The following KCNH6 variants were observed in gnomAD, a reference collection of about 807,000 sequenced individuals.
KCNH6 encodes the protein potassium voltage-gated channel subfamily H member 6, also known as voltage-gated inwardly rectifying potassium channel KCNH6.
In KCNH6, 81 loss-of-function variants were observed where a neutral mutation model predicts 83.4. The ratio of observed to expected loss-of-function variants is 0.97; its 90% CI spans 0.81 to 1.17. The LOEUF (loss-of-function observed/expected upper bound fraction) is 1.17, where lower values mean the gene tolerates loss of function less well. Among genes scored for constraint, KCNH6 ranks in the 50% most tolerant of loss-of-function variants. The pLI is 0.00. For missense variants in KCNH6, 1,203 were observed against 1,290.5 expected (o/e 0.93, Z 1.04); for synonymous variants, 503 against 545.6 (o/e 0.92, Z 1.09).
At position 63,535,828 on chromosome 17, in the gene KCNH6, G is replaced by C; in HGVS notation, c.1261G>C (p.Ala421Pro). 1 of 1,614,200 alleles carries C rather than the reference G, an allele frequency of 6.2e-7. No individual in the cohort carries two copies. The highest frequency in any genetic ancestry group is 8.5e-7 in the Non-Finnish European group (1 of 1,180,048). The change falls in exon 6 of 13, where the codon GCC becomes CCC. Residue 421 changes from alanine (A) to proline (P), a missense_variant. Ala to Pro is a conservative substitution (Grantham distance 27). Transcript: ENST00000314672. This position sits in a 1 kb window ranked among gnomAD's most constrained non-coding sequence, Gnocchi z 4.9. ...GCACTGGCTGGCCTGCATCTGGTAC[G>C]CCATCGGCAATGTGGAGCGGCCCTA... Reference protein sequence around the residue: ...IAHWLACIWYAIGNVERPYLE... With the variant: ...IAHWLACIWYPIGNVERPYLE...
chr17:63,531,344 G>C (rs11655956), intron 4 of KCNH6, among the ~76,000 whole-genome samples: 11,228 of 152,344 alleles, frequency 0.074, 564 homozygotes, highest in Admixed American at 0.11. Flanking sequence ...CTGCAGGAGA[G>C]AGATGGACTA....
Position 63,523,722 on chromosome 17 carries a change from A to G in KCNH6, c.76+233A>G, listed in dbSNP as rs979194049. Among the ~76,000 whole-genome samples the G allele has an allele frequency of 5.9e-5, 9 of 151,750 alleles. No individual in the cohort carries two copies. The highest frequency in any genetic ancestry group is 5.9e-4 in the Admixed American group (9 of 15,250). Reference sequence around the variant, plus strand: ...AGCAGCGTGCAGGCCTTCCCTCCCTACTGCCAGCTGTTTCCTTGGTGCCCC... The same window carrying G: ...AGCAGCGTGCAGGCCTTCCCTCCCTGCTGCCAGCTGTTTCCTTGGTGCCCC... On this transcript the variant is annotated intron_variant, in intron 1 of 12. Transcript: ENST00000314672. This position sits in a 1 kb window ranked among gnomAD's most constrained non-coding sequence, Gnocchi z 4.2.
Position 63,535,058 on chromosome 17 carries a change from A to G in KCNH6, c.1102-611A>G, listed in dbSNP as rs937267070. On this transcript the variant is annotated intron_variant, in intron 5 of 12. Coordinates refer to ENST00000314672, the MANE Select transcript of KCNH6 (RefSeq NM_001278919.2). This position sits in a 1 kb window ranked among gnomAD's most constrained non-coding sequence, Gnocchi z 4.9. ...TGCCACAGCGACTTTCAGATCGCCT[A>G]CCTGACCCTGTGTTCCACCCTCTGG... Among the ~76,000 whole-genome samples the G allele has an allele frequency of 3.3e-5, 5 of 152,088 alleles. No homozygotes were observed. The highest frequency in any genetic ancestry group is 7.4e-5 in the Non-Finnish European group (5 of 68,020).
chr17:63,531,679 G>A (rs978799184), intron 4 of KCNH6, among the ~76,000 whole-genome samples: 3 of 152,232 alleles, frequency 2.0e-5, no homozygotes, highest in African/African-American at 7.2e-5. Flanking sequence ...TGGCCCAAAG[G>A]CCTGACCCTG....
intron 4 of KCNH6, among the ~76,000 whole-genome samples, chr17:63,532,984 G>T (rs1379072389): frequency 1.3e-5 from 2 of 152,138 alleles, no homozygotes; most frequent in African/African-American, 2.4e-5. Context: ...ATTCCATTTT[G>T]CAGATGAGGG....
Position 63,523,567 on chromosome 17 carries a change from A to G in KCNH6, c.76+78A>G. 10 of 1,375,578 alleles carry G rather than the reference A, an allele frequency of 7.3e-6. No individual in the cohort carries two copies. In the South Asian group the frequency reaches 9.9e-5, roughly 14 times the overall value. The allele number at this position is 1,375,578 out of a possible 1,614,324, so 85.2% of individuals were successfully genotyped here. A position where few individuals can be genotyped will look rare whatever the true frequency, so the allele number is the denominator to read the frequency against. On this transcript the variant is annotated intron_variant, in intron 1 of 12. Transcript: ENST00000314672. This position sits in a 1 kb window ranked among gnomAD's most constrained non-coding sequence, Gnocchi z 4.2. Reference sequence around the variant, plus strand: ...AAAGGGGGGGCTGGACCCCTTTACTAACTTCTAACCGGGCAAGGTGGTGAG... The same window carrying G: ...AAAGGGGGGGCTGGACCCCTTTACTGACTTCTAACCGGGCAAGGTGGTGAG...
At chr17:63,530,301 GGC>G (rs765554283) in intron 3 of KCNH6, 34 bp from the exon 4 acceptor site, 1 of 1,613,930 alleles carries the variant, frequency 6.2e-7, no homozygotes, top group Non-Finnish European at 8.5e-7. Context: ...AGGGTCCCCT[GGC>G]CGTGGCTGCT....
intron 8 of KCNH6, among the ~76,000 whole-genome samples, chr17:63,539,711 CCTGT>C (rs1310686173): frequency 3.3e-5 from 5 of 152,204 alleles, no homozygotes; most frequent in Non-Finnish European, 7.3e-5. Context: ...CCATCTCACA[CCTGT>C]CTCCCTGTCC....
Position 63,538,376 on chromosome 17 carries a change from C to T in KCNH6, c.1702-34C>T. The T allele has an allele frequency of 6.3e-7, 1 of 1,587,870 alleles. No individual in the cohort carries two copies. Among genetic ancestry groups the T allele is most frequent in the South Asian group, 1.1e-5 (1 of 88,568 alleles). On this transcript the variant is annotated intron_variant, in intron 7 of 12. Coordinates refer to ENST00000314672, the MANE Select transcript of KCNH6 (RefSeq NM_001278919.2). This position sits in a 1 kb window ranked among gnomAD's most constrained non-coding sequence, Gnocchi z 4.0. ...CCCTCTCCCCCAGCCCCACCCCGGCCGCGTCCCGCTGGACTTGGCCGCCCG... is the reference window on the plus strand; with the variant it reads ...CCCTCTCCCCCAGCCCCACCCCGGCTGCGTCCCGCTGGACTTGGCCGCCCG...
chr17:63,530,286 G>T lies in KCNH6; in HGVS notation c.469+34G>T. The T allele has an allele frequency of 2.5e-6, 4 of 1,613,598 alleles. No homozygotes were observed. In the African/African-American group the frequency reaches 5.3e-5, roughly 22 times the overall value. ...GAGTGAGGGTGGTGGTGGGAGGGAC[G>T]CATGAGGGTCCCCTGGCCGTGGCTG... On this transcript the variant is annotated intron_variant, in intron 3 of 12. Transcript: ENST00000314672.
rs77366677 is a variant in KCNH6 at position 63,545,209 on chromosome 17, C to G, written c.2528C>G (p.Ser843Trp). 5 of 1,613,738 alleles carry G rather than the reference C, an allele frequency of 3.1e-6. No individual in the cohort carries two copies. The East Asian group carries it at 6.7e-5, about 22-fold the overall frequency. The part of the protein sequence containing the change: ...SNDLALVPIA[S>W]ETTSPGPRLP... ...GACCTGGCCTTGGTTCCTATAGCCT[C>G]GGAGACGACGAGTCCAGGGCCCAGG... The change falls in exon 12 of 13, where the codon TCG becomes TGG. Residue 843 changes from serine to tryptophan, a missense_variant. Transcript: ENST00000314672.
Position 63,523,512 on chromosome 17 carries a change from G to C in KCNH6, c.76+23G>C, listed in dbSNP as rs764269639. 1.3e-6 allele frequency: 2 copies of C among 1,587,018 alleles called. No individual in the cohort carries two copies. The highest frequency in any genetic ancestry group is 3.4e-5 in the Admixed American group (2 of 58,118). Reference sequence around the variant, plus strand: ...AAAGTGAGTGTGTGTATGTTGGGGCGGGGGGACGATCTGGAGTCCTGGTTC... The same window carrying C: ...AAAGTGAGTGTGTGTATGTTGGGGCCGGGGGACGATCTGGAGTCCTGGTTC... On this transcript the variant is annotated intron_variant, in intron 1 of 12. Coordinates refer to ENST00000314672, the MANE Select transcript of KCNH6 (RefSeq NM_001278919.2). This position sits in a 1 kb window ranked among gnomAD's most constrained non-coding sequence, Gnocchi z 4.2.
In KCNH6 at chr17:63,546,008, T is replaced by C; in HGVS notation, c.*106T>C. The C allele has an allele frequency of 9.4e-7, 1 of 1,063,104 alleles. No individual in the cohort carries two copies. 65.9% of individuals were successfully genotyped at this position (1,063,104 alleles called of 1,614,324 possible). A position where few individuals can be genotyped will look rare whatever the true frequency, so the allele number is the denominator to read the frequency against. ...GTGGCTCGCCTGTAATCCCAGCACT[T>C]TGGGAGGCCGAGGCGGGCGGATCAG... On this transcript the variant is annotated 3_prime_UTR_variant, in exon 13 of 13. Transcript: ENST00000314672.
chr17:63,532,838 G>A (rs1465669526), intron 4 of KCNH6, among the ~76,000 whole-genome samples: 5 of 152,178 alleles, frequency 3.3e-5, no homozygotes, highest in Non-Finnish European at 5.9e-5. Context: ...GAGGCTGAGG[G>A]AGGAGGAGGG....
At chr17:63,544,003 C>A (rs1381744434) in intron 10 of KCNH6, 5 of 1,475,168 alleles carry the variant, frequency 3.4e-6, no homozygotes, top group Non-Finnish European at 4.6e-6. Flanking sequence ...AAAGTCCTCA[C>A]CCTGCCAGGG....
intron 8 of KCNH6, among the ~76,000 whole-genome samples, chr17:63,541,693 A>G (rs945964461): frequency 6.6e-6 from 1 of 152,114 alleles, no homozygotes; most frequent in Non-Finnish European, 1.5e-5. Context: ...TCCATTTTAG[A>G]GATGAAGACT....
chr17:63,543,131 C>T (rs916388928), intron 9 of KCNH6, among the ~76,000 whole-genome samples: 12 of 152,176 alleles, frequency 7.9e-5, no homozygotes, highest in African/African-American at 2.4e-4. Context: ...ACACAGAGCC[C>T]GGGCTATTTC....
At chr17:63,528,022 C>T (rs138163525) in intron 2 of KCNH6, among the ~76,000 whole-genome samples, 36 of 152,348 alleles carry the variant, frequency 2.4e-4, no homozygotes, top group Non-Finnish European at 4.4e-4. Context: ...GGTGCAGCCA[C>T]GCCAAGACTG....
chr17:63,533,068 G>A lies in KCNH6; in HGVS notation c.676-818G>A, dbSNP rs1031318107. Among the ~76,000 whole-genome samples, 2 of 149,252 alleles carry A rather than the reference G, an allele frequency of 1.3e-5. No homozygotes were observed. Among genetic ancestry groups the A allele is most frequent in the Admixed American group, 6.7e-5 (1 of 14,834 alleles). ...CACATGTCAGACCTGGGATTCAACCGGGGAGGCCTGGCTTCAGTACCCATG... is the reference window on the plus strand; with the variant it reads ...CACATGTCAGACCTGGGATTCAACCAGGGAGGCCTGGCTTCAGTACCCATG... On this transcript the variant is annotated intron_variant, in intron 4 of 12. Coordinates refer to ENST00000314672, the MANE Select transcript of KCNH6 (RefSeq NM_001278919.2). The surrounding 1 kb of genome is among the most constrained non-coding windows in gnomAD (Gnocchi z 4.1).
Sources: allele counts gnomAD v4.1 joint callset (sites outside exome capture counted in the v4.1 genomes callset), GRCh38; gene constraint gnomAD v4.1.1; non-coding constraint Gnocchi (gnomAD v3.1); transcripts MANE v1.5; gene names NCBI Gene and HGNC (gene_info 2026-07-23, HGNC 2026-07-21).